Variants in ARFGEF2 observed in about 807,000 individuals in gnomAD.
ARFGEF2 encodes the protein brefeldin A-inhibited guanine nucleotide-exchange protein 2.
Under a neutral mutation model 219.9 loss-of-function variants are expected in ARFGEF2, and 74 were observed. The ratio of observed to expected loss-of-function variants is 0.34; its 90% CI spans 0.28 to 0.41. The LOEUF is 0.41. Ranked by LOEUF, ARFGEF2 falls within the 10% of genes least tolerant of loss-of-function variation. The pLI is 1.00. For missense variants in ARFGEF2, 1,743 were observed against 2,218.3 expected (o/e 0.79, Z 4.30); for synonymous variants, 733 against 799.2 (o/e 0.92, Z 1.40).
At chr20:48,943,934 G>A (rs2091009300) in intron 3 of ARFGEF2, among the ~76,000 whole-genome samples, 1 of 152,206 alleles carries the variant, frequency 6.6e-6, no homozygotes, top group African/African-American at 2.4e-5. Flanking sequence ...AGAGTACTGT[G>A]ATTGATTGGT....
intron 1 of ARFGEF2, among the ~76,000 whole-genome samples, chr20:48,927,186 G>A (rs554459961): frequency 6.6e-6 from 1 of 152,276 alleles, no homozygotes; most frequent in South Asian, 2.1e-4. Context: ...TCCAGTTAAG[G>A]AAGTATATTC....
In ARFGEF2 at chr20:48,994,512, G is replaced by A. The variant is rs780594033; in HGVS notation, c.3035G>A (p.Arg1012His). 39 of 1,613,988 alleles carry A rather than the reference G, an allele frequency of 2.4e-5. No homozygotes were observed. Among genetic ancestry groups the A allele is most frequent in the South Asian group, 2.1e-4 (19 of 91,082 alleles). Reference protein sequence around the residue: ...AQLIGTGVKTRYLSGSGRERE... With the variant: ...AQLIGTGVKTHYLSGSGRERE... ...CTGATAGGAACCGGTGTGAAGACGC[G>A]CTACCTGTCTGGATCTGGGCGTGAA... is the stretch of plus-strand genomic sequence containing the variant. The change falls in exon 22 of 39, where the codon CGC becomes CAC. Residue 1012 changes from arginine to histidine, a missense_variant. Arg to His is a conservative substitution (Grantham distance 29). Coordinates refer to ENST00000371917, the MANE Select transcript of ARFGEF2 (RefSeq NM_006420.3).
At chr20:48,938,705 G>T (rs1411174416) in intron 1 of ARFGEF2, among the ~76,000 whole-genome samples, 2 of 152,132 alleles carry the variant, frequency 1.3e-5, no homozygotes, top group Non-Finnish European at 2.9e-5. Flanking sequence ...GAAGGTGTTT[G>T]AATTACAATC....
chr20:48,994,621 T>G, intron 22 of ARFGEF2, 23 bp downstream of exon 22: 1 of 1,612,680 alleles, frequency 6.2e-7, no homozygotes, highest in Non-Finnish European at 8.5e-7. Flanking sequence ...GCCCCACAGC[T>G]AACAGTCACG....
At chr20:48,955,447 C>G (rs917575501) in intron 6 of ARFGEF2, among the ~76,000 whole-genome samples, 4 of 152,196 alleles carry the variant, frequency 2.6e-5, no homozygotes, top group Admixed American at 1.3e-4. Flanking sequence ...TGTTCCTGCA[C>G]TGAAGCCTAG....
At chr20:48,984,659 C>T (rs1203915994) in intron 14 of ARFGEF2, 70 bp from the exon 15 acceptor site, 3 of 1,576,446 alleles carry the variant, frequency 1.9e-6, no homozygotes, top group Non-Finnish European at 1.7e-6. Context: ...TTATTTATCT[C>T]AAATACCAGC....
chr20:48,951,952 A>AG (rs2091073608), intron 4 of ARFGEF2, among the ~76,000 whole-genome samples: 1 of 152,112 alleles, frequency 6.6e-6, no homozygotes, highest in Admixed American at 6.6e-5. Flanking sequence ...TTATGAGGGG[A>AG]GGGCTCCATG....
chr20:48,974,391 C>T (rs1323371783), intron 12 of ARFGEF2, among the ~76,000 whole-genome samples: 4 of 151,782 alleles, frequency 2.6e-5, no homozygotes, highest in Non-Finnish European at 5.9e-5. Flanking sequence ...GGATTACAGG[C>T]GTGAGCCACA....
rs751901458 is a variant in ARFGEF2, at chr20:48,984,854, G to A, written c.2070+14G>A. On this transcript the variant is annotated intron_variant, in intron 15 of 38. Coordinates refer to ENST00000371917, the MANE Select transcript of ARFGEF2 (RefSeq NM_006420.3). ...CGCCTGGATTCCGTAAGGCTTGGGG[G>A]TGTAGCACTTGCATGTGAGTTCTGT... 3 of 1,612,274 alleles carry A rather than the reference G, an allele frequency of 1.9e-6. No homozygotes were observed. Among genetic ancestry groups the A allele is most frequent in the East Asian group, 2.2e-5 (1 of 44,870 alleles).
Position 48,989,331 on chromosome 20 carries a change from G to A in ARFGEF2, c.2580G>A (p.Met860Ile). 6.2e-7 allele frequency: 1 copy of A among 1,614,184 alleles called. No homozygotes were observed. Residue 860 changes from methionine to isoleucine, a missense_variant, in exon 19 of 39, where the codon ATG becomes ATA. Around this residue, in one of 5 missense-constraint regions of ARFGEF2, gnomAD observed 666 missense variants for 955.4 expected, o/e 0.70. Coordinates refer to ENST00000371917, the MANE Select transcript of ARFGEF2 (RefSeq NM_006420.3). ...KQRRLLYNLE[M>I]EQMAKTAKAL... ...GGCGGCTGCTGTACAACTTAGAGATGGAGCAAATGGCTAAAACAGCCAAAG... is the reference window on the plus strand; with the variant it reads ...GGCGGCTGCTGTACAACTTAGAGATAGAGCAAATGGCTAAAACAGCCAAAG...
At chr20:48,961,005 G>A (rs972379337) in intron 6 of ARFGEF2, among the ~76,000 whole-genome samples, 3 of 150,628 alleles carry the variant, frequency 2.0e-5, no homozygotes, top group South Asian at 2.1e-4. Flanking sequence ...TCTTGAACCC[G>A]GGAGGCGGAG....
chr20:48,955,126 A>G (rs952789536), intron 6 of ARFGEF2, among the ~76,000 whole-genome samples: 2 of 152,152 alleles, frequency 1.3e-5, no homozygotes, highest in African/African-American at 4.8e-5. Flanking sequence ...GTAATTCCCC[A>G]TCCTGTGCCA....
intron 36 of ARFGEF2, among the ~76,000 whole-genome samples, chr20:49,027,648 A>T (rs2091611373): frequency 6.6e-6 from 1 of 151,964 alleles, no homozygotes; most frequent in African/African-American, 2.4e-5. Context: ...GTTAGTCAAG[A>T]TTGTGTCACT....
At chr20:48,952,482 T>C (rs1199934663) in intron 4 of ARFGEF2, among the ~76,000 whole-genome samples, 1 of 152,102 alleles carries the variant, frequency 6.6e-6, no homozygotes, top group Admixed American at 6.5e-5. Context: ...TTTCGAGTGA[T>C]TTGGATTTCA....
rs1600605138 is a variant in ARFGEF2, at chr20:48,953,795, G to A, written c.838+5G>A. 3.7e-6 allele frequency: 6 copies of A among 1,612,720 alleles called. No individual in the cohort carries two copies. Among genetic ancestry groups the A allele is most frequent in the Non-Finnish European group, 5.1e-6 (6 of 1,179,116 alleles). ...AAAGAGGCTCATCACTGTCAGGTAC[G>A]GGCTGATACGGTATGGCTCTTTTTC... On this transcript the variant is annotated splice_donor_5th_base_variant and intron_variant, in intron 6 of 38. Coordinates refer to ENST00000371917, the MANE Select transcript of ARFGEF2 (RefSeq NM_006420.3).
At chr20:48,951,251 T>C in intron 3 of ARFGEF2, 72 bp from the exon 4 acceptor site, 4 of 1,581,510 alleles carry the variant, frequency 2.5e-6, no homozygotes, top group Non-Finnish European at 3.5e-6. Flanking sequence ...TCTTTTGCTC[T>C]TGTGGGCTGC....
At chr20:48,953,386 G>A (rs1339649951) in intron 5 of ARFGEF2, among the ~76,000 whole-genome samples, 170 bp from the exon 6 acceptor site, 3 of 151,858 alleles carry the variant, frequency 2.0e-5, no homozygotes, top group African/African-American at 4.8e-5. Flanking sequence ...ATGTTGCCCA[G>A]GTTGGTCTCG....
intron 6 of ARFGEF2, among the ~76,000 whole-genome samples, chr20:48,962,599 A>G (rs2091160682): frequency 6.6e-6 from 1 of 152,214 alleles, no homozygotes; most frequent in Non-Finnish European, 1.5e-5. Flanking sequence ...TCCTTTTTAG[A>G]TGAAGAAGTG....
intron 25 of ARFGEF2, among the ~76,000 whole-genome samples, chr20:48,999,721 T>C (rs888105295): frequency 1.5e-5 from 2 of 136,304 alleles, no homozygotes; most frequent in East Asian, 4.4e-4. Flanking sequence ...CCCTCCAGCC[T>C]GGGCGACAGA....
Sources: gnomAD v4.1 joint callset for allele counts (sites outside exome capture counted in the v4.1 genomes callset) on GRCh38, gnomAD v4.1.1 for gene constraint, gnomAD v4.1.1 regional missense constraint, MANE v1.5 for transcripts, NCBI Gene and HGNC (gene_info 2026-07-23, HGNC 2026-07-21) for gene names.